Variants in SLMAP observed in about 807,000 individuals in gnomAD.
SLMAP encodes the protein sarcolemmal membrane-associated protein.
Under a neutral mutation model 128.8 loss-of-function variants are expected in SLMAP, and 44 were observed. The observed-to-expected ratio is 0.34, with a 90% confidence interval of 0.27 to 0.44. The LOEUF (loss-of-function observed/expected upper bound fraction) is 0.44. SLMAP is among the 20% of genes least tolerant of loss of function. The pLI is 1.00. For missense variants in SLMAP, 787 were observed against 985.3 expected (o/e 0.80, Z 2.69); for synonymous variants, 327 against 348.8 (o/e 0.94, Z 0.70).
chr3:57,922,778 CTT>C (rs2096940944), intron 22 of SLMAP, 109 bp from the exon 23 acceptor site: 2 of 985,348 alleles, frequency 2.0e-6, no homozygotes, highest in Admixed American at 5.1e-5. Flanking sequence ...AAAGACTTGA[CTT>C]TGGTGTTCCA....
intron 3 of SLMAP, among the ~76,000 whole-genome samples, chr3:57,835,280 TCC>T (rs1008355111): frequency 9.3e-5 from 14 of 151,334 alleles, no homozygotes; most frequent in African/African-American, 3.4e-4. Flanking sequence ...CTCTACCCGC[TCC>T]CCTGGCCCCC....
chr3:57,762,378 A>G (rs1005078336), intron 2 of SLMAP, among the ~76,000 whole-genome samples: 3 of 152,168 alleles, frequency 2.0e-5, no homozygotes, highest in African/African-American at 7.2e-5. Flanking sequence ...CAAAAAAAAA[A>G]AAAAAGTTGG....
intron 2 of SLMAP, among the ~76,000 whole-genome samples, chr3:57,807,077 A>G (rs1459757397): frequency 6.6e-6 from 1 of 152,194 alleles, no homozygotes; most frequent in Non-Finnish European, 1.5e-5. Context: ...GTGAGATGGT[A>G]TCTCACTGTG....
At chr3:57,882,677 AG>A (rs1415452880) in intron 14 of SLMAP, among the ~76,000 whole-genome samples, 1 of 152,198 alleles carries the variant, frequency 6.6e-6, no homozygotes, top group Non-Finnish European at 1.5e-5. Flanking sequence ...AACAGGCAGC[AG>A]GTTGGATTTG....
chr3:57,850,409 T>C (rs188413169), intron 6 of SLMAP, among the ~76,000 whole-genome samples: 1 of 152,252 alleles, frequency 6.6e-6, no homozygotes, highest in African/African-American at 2.4e-5. Flanking sequence ...CAAAACAGTT[T>C]TTAAAAATCT....
intron 2 of SLMAP, among the ~76,000 whole-genome samples, chr3:57,791,937 T>A (rs1156880163): frequency 1.3e-5 from 2 of 152,156 alleles, no homozygotes; most frequent in Non-Finnish European, 2.9e-5. Flanking sequence ...GTAAGAAGTA[T>A]AACAGGATAT....
chr3:57,789,400 A>AG (rs1224793612), intron 2 of SLMAP, among the ~76,000 whole-genome samples: 1 of 151,994 alleles, frequency 6.6e-6, no homozygotes, highest in African/African-American at 2.4e-5. Flanking sequence ...ATCAGGGGTA[A>AG]GGGGGATTCT....
intron 2 of SLMAP, among the ~76,000 whole-genome samples, chr3:57,802,484 G>A (rs978392670): frequency 1.3e-5 from 2 of 152,204 alleles, no homozygotes; most frequent in Admixed American, 1.3e-4. Context: ...GTTTCACTAT[G>A]TTGGCCAGGC....
intron 3 of SLMAP, 29 bp downstream of exon 3, chr3:57,831,559 C>T: frequency 2.1e-6 from 3 of 1,410,168 alleles, no homozygotes; most frequent in Non-Finnish European, 2.8e-6. Flanking sequence ...TTTTTTATTA[C>T]TTGTCTTTTA....
intron 2 of SLMAP, among the ~76,000 whole-genome samples, chr3:57,827,959 A>G (rs1278211096): frequency 2.0e-5 from 3 of 152,152 alleles, no homozygotes; most frequent in African/African-American, 7.2e-5. Flanking sequence ...ACATTTATTT[A>G]TTTATGAGAC....
chr3:57,826,235 A>G (rs1243436118), intron 2 of SLMAP, among the ~76,000 whole-genome samples: 2 of 151,436 alleles, frequency 1.3e-5, no homozygotes, highest in Admixed American at 6.6e-5. Flanking sequence ...TTGCTCTTTC[A>G]TGTCTTGAAT....
At chr3:57,883,809 G>A (rs1017450866) in intron 14 of SLMAP, among the ~76,000 whole-genome samples, 25 of 152,114 alleles carry the variant, frequency 1.6e-4, no homozygotes, top group Admixed American at 1.0e-3. Context: ...TTAAAACTGT[G>A]GCTAAGGGGC....
chr3:57,817,597 T>C (rs2092014162), intron 2 of SLMAP, among the ~76,000 whole-genome samples: 1 of 152,238 alleles, frequency 6.6e-6, no homozygotes, highest in Non-Finnish European at 1.5e-5. Flanking sequence ...CCTTGTTTGC[T>C]GTTCTTTCTG....
rs527890150 is a variant in SLMAP, at chr3:57,761,885, A to G, written c.198+4036A>G. 4.7e-5 allele frequency among the ~76,000 whole-genome samples: 7 copies of G among 149,220 alleles called. No individual in the cohort carries two copies. The East Asian group carries it at 1.4e-3, about 30-fold the overall frequency. ...ACAAGGTGAAACCCCGTCTCTACTA[A>G]AAATACAAAAAATTAGCCGGGCGCG... On this transcript the variant is annotated intron_variant, in intron 2 of 24. Coordinates refer to ENST00000671191, the MANE Select transcript of SLMAP (RefSeq NM_001377540.1).
In SLMAP at chr3:57,927,158, A is replaced by C. The variant is rs571034255; in HGVS notation, c.*7-138A>C. The C allele has an allele frequency of 1.9e-4, 85 of 459,168 alleles. No individual in the cohort carries two copies. The Admixed American group carries it at 2.3e-3, about 12-fold the overall frequency. 28.4% of individuals were successfully genotyped at this position (459,168 alleles called of 1,614,324 possible). A position where few individuals can be genotyped will look rare whatever the true frequency, so the allele number is the denominator to read the frequency against. ...TCCCTCACTTTTTTTTTTCTTTTCAAACTTTATATTTATGATGCAGAAATA... is the reference window on the plus strand; with the variant it reads ...TCCCTCACTTTTTTTTTTCTTTTCACACTTTATATTTATGATGCAGAAATA... On this transcript the variant is annotated intron_variant, in intron 24 of 24. Coordinates refer to ENST00000671191, the MANE Select transcript of SLMAP (RefSeq NM_001377540.1).
chr3:57,892,750 G>A (rs906249608), intron 15 of SLMAP, among the ~76,000 whole-genome samples: 14 of 150,856 alleles, frequency 9.3e-5, no homozygotes, highest in African/African-American at 3.4e-4. Flanking sequence ...TTCGAGACCA[G>A]CCTGGGCAAC....
chr3:57,913,126 G>A (rs1164363948), intron 20 of SLMAP, 32 bp from the exon 21 acceptor site: 2 of 960,780 alleles, frequency 2.1e-6, no homozygotes, highest in Non-Finnish European at 3.3e-6. Flanking sequence ...TTATATTTCT[G>A]TATTAACAAA....
In SLMAP at chr3:57,874,145, A is replaced by G. The variant is rs187922602; in HGVS notation, c.1300+2447A>G. The stretch of plus-strand genomic sequence containing the variant: ...CAGCAACAGCAACAACAAAAAAATT[A>G]TCCGGGAGTGATGGCACATGTATGT... On this transcript the variant is annotated intron_variant, in intron 14 of 24. Transcript: ENST00000671191. 9.2e-5 allele frequency among the ~76,000 whole-genome samples: 14 copies of G among 152,184 alleles called. No individual in the cohort carries two copies. The East Asian group carries it at 2.7e-3, about 30-fold the overall frequency.
chr3:57,757,511 C>T lies in SLMAP; in HGVS notation c.-141C>T. 1 of 717,750 alleles carries T rather than the reference C, an allele frequency of 1.4e-6. No homozygotes were observed. The highest frequency in any genetic ancestry group is 2.4e-6 in the Non-Finnish European group (1 of 424,934). 44.5% of individuals were successfully genotyped at this position (717,750 alleles called of 1,614,324 possible). ...CACCCAAGTGAAGAGTTGATGTTCACTGGTTATGCTTAGACAATGTGCAGT... is the reference window on the plus strand; with the variant it reads ...CACCCAAGTGAAGAGTTGATGTTCATTGGTTATGCTTAGACAATGTGCAGT... On this transcript the variant is annotated 5_prime_UTR_variant, in exon 2 of 25. Coordinates refer to ENST00000671191, the MANE Select transcript of SLMAP (RefSeq NM_001377540.1).
Sources: gnomAD v4.1 joint callset for allele counts (sites outside exome capture counted in the v4.1 genomes callset) on GRCh38, gnomAD v4.1.1 for gene constraint, MANE v1.5 for transcripts, NCBI Gene and HGNC (gene_info 2026-07-23, HGNC 2026-07-21) for gene names.